FBN1: variants seen among roughly 807,000 people sequenced by gnomAD.
The protein encoded by FBN1 is fibrillin 1.
A neutral mutation model predicts 365.1 loss-of-function variants in FBN1; 29 were observed. That is an observed-to-expected ratio of 0.08 (90% CI 0.06 to 0.11). FBN1 has a LOEUF of 0.11. Ranked by LOEUF, FBN1 falls within the 10% of genes least tolerant of loss-of-function variation. FBN1 has a pLI of 1.00. For missense variants in FBN1, 2,476 were observed against 3,703.2 expected, an observed-to-expected ratio of 0.67 and a Z score of 8.60; for synonymous variants, 1,210 against 1,270.5, an observed-to-expected ratio of 0.95 and a Z score of 1.01.
chr15:48,461,431 G>A (rs1333566343), intron 42 of FBN1, among the ~76,000 whole-genome samples: 3 of 151,960 alleles, frequency 2.0e-5, no homozygotes, highest in African/African-American at 7.3e-5. Context: ...AAAATGCGAG[G>A]ACTTCTATCT....
intron 6 of FBN1, among the ~76,000 whole-genome samples, chr15:48,584,121 A>T (rs1278923906): frequency 6.6e-6 from 1 of 152,230 alleles, no homozygotes; most frequent in African/African-American, 2.4e-5. Context: ...TGAATTTAAA[A>T]TAGTTAACAT....
intron 8 of FBN1, among the ~76,000 whole-genome samples, chr15:48,527,119 T>G (rs1298710127): frequency 6.6e-6 from 1 of 152,232 alleles, no homozygotes; most frequent in Non-Finnish European, 1.5e-5. Flanking sequence ...TTGCCTTCTC[T>G]GCACGCTCTT....
chr15:48,591,100 A>G (rs1228112923), intron 6 of FBN1, among the ~76,000 whole-genome samples: 1 of 152,240 alleles, frequency 6.6e-6, no homozygotes, highest in Non-Finnish European at 1.5e-5. Context: ...CCTCTGGCTC[A>G]CATAAAGTTT....
intron 6 of FBN1, among the ~76,000 whole-genome samples, chr15:48,568,049 G>GAAAGAAAGAAAGAAGAAAGAAAGAAAGA (rs369157930): frequency 2.1e-3 from 86 of 40,044 alleles, no homozygotes; most frequent in African/African-American, 8.8e-3. Flanking sequence ...AAGAAAGAAA[G>GAAAGAAAGAAAGAAGAAAGAAAGAAAGA]AAGAAAGAAA....
intron 10 of FBN1, among the ~76,000 whole-genome samples, chr15:48,520,018 G>T: frequency 6.6e-6 from 1 of 152,114 alleles, no homozygotes; most frequent in African/African-American, 2.4e-5. Flanking sequence ...GTACAACATG[G>T]TGTTTTGAAA....
chr15:48,560,397 G>C (rs1253064077), intron 6 of FBN1, among the ~76,000 whole-genome samples: 2 of 152,120 alleles, frequency 1.3e-5, no homozygotes, highest in Non-Finnish European at 2.9e-5. Flanking sequence ...CAGAGGATGT[G>C]GTAAGGATTA....
chr15:48,421,739 T>A, intron 61 of FBN1, 53 bp from the exon 62 acceptor site: 15 of 1,593,238 alleles, frequency 9.4e-6, no homozygotes, highest in Middle Eastern at 1.7e-4. Flanking sequence ...AAGCTCTCTT[T>A]GTATCATTTA....
intron 6 of FBN1, among the ~76,000 whole-genome samples, chr15:48,591,764 C>T (rs2044479019): frequency 6.7e-6 from 1 of 149,836 alleles, no homozygotes; most frequent in Non-Finnish European, 1.5e-5. Context: ...TGGCCCCTTT[C>T]CAGTGAGGTC....
At position 48,513,529 on chromosome 15, in the gene FBN1, G is replaced by A. The variant is rs376488308; in HGVS notation, c.1588+20C>T. 35 of 1,613,690 alleles carry A rather than the reference G, an allele frequency of 2.2e-5. No homozygotes were observed. In the African/African-American group the frequency reaches 2.7e-4, roughly 12 times the overall value. On this transcript the variant is annotated intron_variant, in intron 13 of 65. Coordinates refer to ENST00000316623, the MANE Select transcript of FBN1 (RefSeq NM_000138.5). ...TTAGCATATATGTCCCACATTCCAC[G>A]TCAGGAGCCAGGACCATACCTCGGC...
intron 59 of FBN1, 93 bp downstream of exon 59, chr15:48,425,646 G>T (rs772773387): frequency 3.2e-6 from 5 of 1,551,410 alleles, no homozygotes; most frequent in Non-Finnish European, 4.4e-6. Flanking sequence ...CTATGAAACT[G>T]CACAGACTTT....
At chr15:48,427,519 CAAAT>C (rs2042986838) in intron 58 of FBN1, 44 bp downstream of exon 58, 3 of 1,580,296 alleles carry the variant, frequency 1.9e-6, no homozygotes, top group South Asian at 1.1e-5. Context: ...ACACAAAAAA[CAAAT>C]AAATAGATTC....
At chr15:48,472,998 T>C (rs1566906081) in intron 34 of FBN1, among the ~76,000 whole-genome samples, 1 of 152,190 alleles carries the variant, frequency 6.6e-6, no homozygotes, top group Non-Finnish European at 1.5e-5. Context: ...TTTGTGTCTA[T>C]TTCTCAAGTT....
intron 24 of FBN1, 102 bp from the exon 25 acceptor site, chr15:48,490,180 G>T: frequency 9.9e-7 from 1 of 1,009,242 alleles, no homozygotes; most frequent in Non-Finnish European, 1.5e-6. Flanking sequence ...ATAATAATTT[G>T]CTGTATACTT....
chr15:48,461,434 TTCTA>T (rs1262794686), intron 42 of FBN1, among the ~76,000 whole-genome samples: 5 of 152,194 alleles, frequency 3.3e-5, no homozygotes, highest in South Asian at 2.1e-4. Flanking sequence ...ATGCGAGGAC[TTCTA>T]TCTATCTTTG....
Position 48,596,359 on chromosome 15 carries a change from A to G in FBN1, c.462T>C (p.Cys154=). The G allele has an allele frequency of 6.2e-7, 1 of 1,614,026 alleles. No homozygotes were observed. Among genetic ancestry groups the G allele is most frequent in the Non-Finnish European group, 8.5e-7 (1 of 1,179,910 alleles). The change falls in exon 6 of 66, where the codon TGT becomes TGC. Residue 154 remains cysteine (C), a synonymous_variant. Transcript: ENST00000316623. ...GGGCCACACACCTTCCTCCATTGAG[A>G]CAGCCACTTTCACAAACAGCTGTAA... The part of the protein sequence containing the change: ...HCGQPVCESG[C]LNGGRCVAPN...
chr15:48,505,394 T>A (rs969000801), intron 15 of FBN1, among the ~76,000 whole-genome samples: 1 of 152,220 alleles, frequency 6.6e-6, no homozygotes, highest in Non-Finnish European at 1.5e-5. Context: ...GAGATTTTTG[T>A]ATCCAAAATA....
intron 24 of FBN1, among the ~76,000 whole-genome samples, chr15:48,490,410 C>T (rs2043548334): frequency 6.6e-6 from 1 of 152,118 alleles, no homozygotes; most frequent in Admixed American, 6.5e-5. Flanking sequence ...TACCTATCAC[C>T]GATGCGTGCA....
chr15:48,497,249 TG>T lies in FBN1; in HGVS notation c.2293+16del. 4 of 1,613,998 alleles carry T rather than the reference TG, an allele frequency of 2.5e-6. No individual in the cohort carries two copies. Among genetic ancestry groups the T allele is most frequent in the Non-Finnish European group, 2.5e-6 (3 of 1,179,924 alleles). On this transcript the variant is annotated intron_variant, in intron 19 of 65. Transcript: ENST00000316623. ...ATTATGCAGGCAATGTTTCAGAAAA[TG>T]GGTAAAACTTCTCACCAACGCAGTT...
rs2043405703 is a variant in FBN1, at chr15:48,474,664, C to CA, written c.3965-15dup. 1.2e-6 allele frequency: 2 copies of CA among 1,614,016 alleles called. No homozygotes were observed. The highest frequency in any genetic ancestry group is 1.7e-6 in the Non-Finnish European group (2 of 1,179,984). On this transcript the variant is annotated splice_polypyrimidine_tract_variant and intron_variant, in intron 32 of 65. Transcript: ENST00000316623. Reference sequence around the variant, plus strand: ...ATTCATTGATGTCTGGAAAAATGAGCAGTGATTTAGAAAAAGGCTCAGCAC... The same window carrying CA: ...ATTCATTGATGTCTGGAAAAATGAGCAAGTGATTTAGAAAAAGGCTCAGCAC...
Sources: allele counts gnomAD v4.1 joint callset (sites outside exome capture counted in the v4.1 genomes callset), GRCh38; gene constraint gnomAD v4.1.1; transcripts MANE v1.5; gene names NCBI Gene and HGNC (gene_info 2026-07-23, HGNC 2026-07-21).